The following SLC25A16 variants were observed in gnomAD, a reference collection of about 807,000 sequenced individuals.
SLC25A16 encodes mitochondrial coenzyme A transporter SLC25A16.
Under a neutral mutation model 41.5 loss-of-function variants are expected in SLC25A16, and 39 were observed. The ratio of observed to expected loss-of-function variants is 0.94; its 90% CI spans 0.73 to 1.23. SLC25A16 has a LOEUF of 1.23. Ranked by LOEUF, SLC25A16 falls within the 50% of genes most tolerant of loss-of-function variation. The probability of loss-of-function intolerance (pLI) is 0.00; values close to 1 mark genes in which losing one functional copy is unlikely to be tolerated. For missense variants in SLC25A16, 421 were observed against 426.9 expected (o/e 0.99, Z 0.12); for synonymous variants, 146 against 147.8 (o/e 0.99, Z 0.09).
intron 2 of SLC25A16, among the ~76,000 whole-genome samples, chr10:68,514,719 TCTGTAAGGAACAA>T (rs1313496703): frequency 6.6e-6 from 1 of 152,032 alleles, no homozygotes; most frequent in Non-Finnish European, 1.5e-5. Flanking sequence ...AAATGGCTGG[TCTGTAAGGAACAA>T]CTAAGGTCTT....
chr10:68,501,208 G>A (rs1590107156), intron 4 of SLC25A16, among the ~76,000 whole-genome samples: 1 of 143,880 alleles, frequency 7.0e-6, no homozygotes, highest in Admixed American at 6.9e-5. Context: ...CCGAGACTGT[G>A]CCACTGCACT....
chr10:68,509,494 C>T (rs919077280), intron 2 of SLC25A16, among the ~76,000 whole-genome samples: 6 of 151,918 alleles, frequency 3.9e-5, no homozygotes, highest in African/African-American at 1.2e-4. Flanking sequence ...GTGGGAGGAT[C>T]GCTTGAGCCC....
chr10:68,516,790 C>T lies in SLC25A16; in HGVS notation c.184G>A (p.Val62Ile), dbSNP rs142834401. The change falls in exon 2 of 9, where the codon GTT becomes ATT. Residue 62 changes from valine to isoleucine, a missense_variant. Transcript: ENST00000609923. ...TGGTGATTGTGAGCTTGTAATAAAACCTTTACTCGATCCAATGGAGCAACT... is the reference window on the plus strand; with the variant it reads ...TGGTGATTGTGAGCTTGTAATAAAATCTTTACTCGATCCAATGGAGCAACT... ...TTVAPLDRVK[V>I]LLQAHNHHYK... 1.7e-5 allele frequency: 27 copies of T among 1,612,918 alleles called. No individual in the cohort carries two copies. The African/African-American group carries it at 3.6e-4, about 22-fold the overall frequency.
At chr10:68,497,997 T>G (rs886677979) in intron 4 of SLC25A16, among the ~76,000 whole-genome samples, 9 of 152,038 alleles carry the variant, frequency 5.9e-5, no homozygotes, top group African/African-American at 1.9e-4. Context: ...CTCCTTAGCC[T>G]CCCAAAGAAC....
intron 2 of SLC25A16, among the ~76,000 whole-genome samples, chr10:68,507,554 T>C (rs2052979755): frequency 6.6e-6 from 1 of 152,142 alleles, no homozygotes; most frequent in African/African-American, 2.4e-5. Context: ...TTAGGAATAA[T>C]GATAAACAAA....
intron 4 of SLC25A16, among the ~76,000 whole-genome samples, chr10:68,495,137 G>A (rs1452228348): frequency 6.6e-6 from 1 of 151,908 alleles, no homozygotes; most frequent in Non-Finnish European, 1.5e-5. Flanking sequence ...TAGGCCGGAT[G>A]TGGTGGCTCA....
At chr10:68,505,497 G>A (rs1275723418) in intron 3 of SLC25A16, among the ~76,000 whole-genome samples, 3 of 152,136 alleles carry the variant, frequency 2.0e-5, no homozygotes, top group Non-Finnish European at 4.4e-5. Flanking sequence ...TTACTTGGCC[G>A]GGTGCAGTGG....
In SLC25A16 at chr10:68,485,799, T is replaced by G. The variant is rs1433004370; in HGVS notation, c.842+1345A>C. Reference sequence around the variant, plus strand: ...TCGTGCCTCAGCCTCCTAAGCAATATTTTTTTTTTTTTTTTTGAGATGGAG... The same window carrying G: ...TCGTGCCTCAGCCTCCTAAGCAATAGTTTTTTTTTTTTTTTTGAGATGGAG... On this transcript the variant is annotated intron_variant, in intron 8 of 8. Coordinates refer to ENST00000609923, the MANE Select transcript of SLC25A16 (RefSeq NM_152707.4). Among the ~76,000 whole-genome samples the G allele has an allele frequency of 5.0e-5, 5 of 100,386 alleles. No individual in the cohort carries two copies. In the East Asian group the frequency reaches 1.5e-3, roughly 31 times the overall value. The allele number at this position is 100,386 out of a possible 152,430, so 65.9% of individuals were successfully genotyped here. A position where few individuals can be genotyped will look rare whatever the true frequency, so the allele number is the denominator to read the frequency against.
chr10:68,522,846 G>T (rs1038817306), intron 1 of SLC25A16, among the ~76,000 whole-genome samples: 1 of 144,656 alleles, frequency 6.9e-6, no homozygotes, highest in Non-Finnish European at 1.5e-5. Context: ...AAATTAGCCA[G>T]AAGTGGTGGC....
intron 1 of SLC25A16, among the ~76,000 whole-genome samples, chr10:68,523,769 C>G (rs2053287048): frequency 1.3e-5 from 2 of 152,134 alleles, no homozygotes; most frequent in African/African-American, 4.8e-5. Flanking sequence ...GACACCTCAC[C>G]TAGCCTAAAT....
At chr10:68,512,312 C>T (rs2053077297) in intron 2 of SLC25A16, among the ~76,000 whole-genome samples, 1 of 152,114 alleles carries the variant, frequency 6.6e-6, no homozygotes, top group Non-Finnish European at 1.5e-5. Flanking sequence ...TACATAAATA[C>T]ATAAATTAGT....
intron 2 of SLC25A16, among the ~76,000 whole-genome samples, chr10:68,508,307 TATA>T (rs2052992170): frequency 6.7e-6 from 1 of 148,182 alleles, no homozygotes; most frequent in Non-Finnish European, 1.5e-5. Flanking sequence ...AATGTATGAC[TATA>T]ATAACAGAAA....
chr10:68,482,707 C>T lies in SLC25A16; in HGVS notation c.*725G>A, dbSNP rs1246048448. ...TAATAACATTTGAGCAAGACTTAGT[C>T]GTTCATTCATTTATTAAGTGGGGTT... On this transcript the variant is annotated 3_prime_UTR_variant, in exon 9 of 9. Transcript: ENST00000609923. 1.3e-5 allele frequency: 2 copies of T among 152,016 alleles called. No individual in the cohort carries two copies. The highest frequency in any genetic ancestry group is 2.4e-5 in the African/African-American group (1 of 41,392). 9.4% of individuals were successfully genotyped at this position (152,016 alleles called of 1,614,324 possible). A position where few individuals can be genotyped will look rare whatever the true frequency, so the allele number is the denominator to read the frequency against.
chr10:68,508,501 G>A (rs778049389), intron 2 of SLC25A16, among the ~76,000 whole-genome samples: 47 of 151,596 alleles, frequency 3.1e-4, no homozygotes, highest in Non-Finnish European at 5.6e-4. Context: ...ATCACCTAAG[G>A]TTGGGAGTTC....
chr10:68,525,794 T>C (rs955631832), intron 1 of SLC25A16, among the ~76,000 whole-genome samples: 1 of 152,218 alleles, frequency 6.6e-6, no homozygotes, highest in Non-Finnish European at 1.5e-5. Flanking sequence ...TGTTAATCTA[T>C]AACCTTACCC....
intron 6 of SLC25A16, among the ~76,000 whole-genome samples, chr10:68,489,427 C>T (rs1216900591): frequency 6.6e-6 from 1 of 152,050 alleles, no homozygotes; most frequent in Non-Finnish European, 1.5e-5. Flanking sequence ...TGTTAATTCA[C>T]AAAACACGTA....
intron 1 of SLC25A16, among the ~76,000 whole-genome samples, chr10:68,525,594 C>T (rs148809462): frequency 6.6e-6 from 1 of 152,234 alleles, no homozygotes; most frequent in African/African-American, 2.4e-5. Flanking sequence ...ACTGGGACTA[C>T]AGTAGTGAGC....
chr10:68,512,073 C>T (rs1334075607), intron 2 of SLC25A16, among the ~76,000 whole-genome samples: 1 of 151,922 alleles, frequency 6.6e-6, no homozygotes, highest in African/African-American at 2.4e-5. Flanking sequence ...GCTAGGCTTA[C>T]ACACGTTTAA....
chr10:68,497,779 C>A (rs1243704436), intron 4 of SLC25A16, among the ~76,000 whole-genome samples: 2 of 151,664 alleles, frequency 1.3e-5, no homozygotes, highest in African/African-American at 4.8e-5. Flanking sequence ...AAGACACCTG[C>A]CTAATTTTTG....
Sources: allele counts gnomAD v4.1 joint callset (sites outside exome capture counted in the v4.1 genomes callset), GRCh38; gene constraint gnomAD v4.1.1; transcripts MANE v1.5; gene names NCBI Gene and HGNC (gene_info 2026-07-23, HGNC 2026-07-21).